The following CDH13 variants were observed in gnomAD, a reference collection of about 807,000 sequenced individuals.
CDH13 encodes the protein cadherin 13.
CDH13 carries 24 observed loss-of-function variants against 63.8 expected under a neutral mutation model. The ratio of observed to expected loss-of-function variants is 0.38; its 90% CI spans 0.27 to 0.53. The LOEUF (loss-of-function observed/expected upper bound fraction) is 0.53, where lower values mean the gene tolerates loss of function less well. CDH13 is among the 20% of genes least tolerant of loss of function. The pLI is 0.85. For missense variants in CDH13, 1,049 were observed against 903.1 expected (o/e 1.16, Z -2.07); for synonymous variants, 503 against 355.3 (o/e 1.42, Z -4.67).
chr16:83,730,166 T>C (rs12596745), intron 10 of CDH13, among the ~76,000 whole-genome samples: 29,895 of 152,190 alleles, frequency 0.2, 2,996 homozygotes, highest in Middle Eastern at 0.22. Context: ...TATTTTTCTA[T>C]AGTAAACATT....
intron 1 of CDH13, among the ~76,000 whole-genome samples, chr16:82,676,822 A>T (rs1161512642): frequency 6.6e-6 from 1 of 152,040 alleles, no homozygotes; most frequent in East Asian, 1.9e-4. Context: ...AGTTGCTGAG[A>T]CTATCATGCA....
At chr16:83,407,799 A>T (rs1352925101) in intron 6 of CDH13, among the ~76,000 whole-genome samples, 2 of 152,206 alleles carry the variant, frequency 1.3e-5, no homozygotes, top group African/African-American at 4.8e-5. Context: ...AGCATTGCGC[A>T]TTAGAAGTCT....
At chr16:83,184,089 A>AACACACACACAC (rs10656475) in intron 4 of CDH13, among the ~76,000 whole-genome samples, 23 of 131,616 alleles carry the variant, frequency 1.7e-4, no homozygotes, top group South Asian at 5.5e-4. Context: ...CTAGAGGTTA[A>AACACACACACAC]ACACACACAC....
intron 2 of CDH13, among the ~76,000 whole-genome samples, chr16:82,943,336 G>A (rs1200539493): frequency 6.6e-6 from 1 of 152,100 alleles, no homozygotes; most frequent in East Asian, 1.9e-4. Flanking sequence ...TTCTCATAAT[G>A]TACCCTTTGC....
At chr16:82,903,906 C>G (rs902131565) in intron 2 of CDH13, among the ~76,000 whole-genome samples, 2 of 152,134 alleles carry the variant, frequency 1.3e-5, no homozygotes, top group African/African-American at 2.4e-5. Flanking sequence ...AATGGGGCCC[C>G]AGTTCTGTCT....
At chr16:83,351,179 T>G (rs967881883) in intron 6 of CDH13, among the ~76,000 whole-genome samples, 1 of 152,150 alleles carries the variant, frequency 6.6e-6, no homozygotes. Context: ...TGTTAATTTT[T>G]TTTTGCTGAT....
At chr16:83,459,065 C>G (rs1445011914) in intron 6 of CDH13, among the ~76,000 whole-genome samples, 2 of 152,208 alleles carry the variant, frequency 1.3e-5, no homozygotes, top group Non-Finnish European at 2.9e-5. Flanking sequence ...AATCTAAGAA[C>G]CAAGATGGCC....
intron 4 of CDH13, among the ~76,000 whole-genome samples, chr16:83,187,831 A>T (rs906726799): frequency 6.6e-6 from 1 of 152,240 alleles, no homozygotes; most frequent in East Asian, 1.9e-4. Context: ...GATAGGGGCT[A>T]TGGAGGTCAA....
At chr16:83,388,344 T>C (rs2091719104) in intron 6 of CDH13, among the ~76,000 whole-genome samples, 1 of 151,732 alleles carries the variant, frequency 6.6e-6, no homozygotes, top group Non-Finnish European at 1.5e-5. Context: ...TCCCAACTAC[T>C]TGGGAGGCTG....
chr16:83,662,317 G>C (rs1433777801), intron 8 of CDH13, among the ~76,000 whole-genome samples: 1 of 152,166 alleles, frequency 6.6e-6, no homozygotes, highest in Non-Finnish European at 1.5e-5. Flanking sequence ...ATAGCTAGTA[G>C]GTACTCTCTC....
In CDH13 at chr16:83,419,755, A is replaced by C. The variant is rs117343843; in HGVS notation, c.782-66722A>C. Among the ~76,000 whole-genome samples, 12 of 152,338 alleles carry C rather than the reference A, an allele frequency of 7.9e-5. No homozygotes were observed. In the East Asian group the frequency reaches 2.3e-3, roughly 29 times the overall value. On this transcript the variant is annotated intron_variant, in intron 6 of 13. Transcript: ENST00000567109. Reference sequence around the variant, plus strand: ...ACTGGCATTGTGGTTATATACTATGAAATATATATTATAAAATGCATTTTT... The same window carrying C: ...ACTGGCATTGTGGTTATATACTATGCAATATATATTATAAAATGCATTTTT...
chr16:83,786,994 G>C (rs1278963707), intron 13 of CDH13, among the ~76,000 whole-genome samples: 1 of 152,146 alleles, frequency 6.6e-6, no homozygotes, highest in Non-Finnish European at 1.5e-5. Context: ...AGAAACAATA[G>C]CTACCATGAA....
chr16:83,280,083 G>A lies in CDH13; in HGVS notation c.636+62586G>A, dbSNP rs192606177. ...GAAGGATAGTATGCAGGGTACTGCA[G>A]CAGTTTTTTAAAATAAGACAACAAT... On this transcript the variant is annotated intron_variant, in intron 5 of 13. Transcript: ENST00000567109. 2.4e-3 allele frequency among the ~76,000 whole-genome samples: 360 copies of A among 152,280 alleles called. 1 individual carries two copies. The highest frequency in any genetic ancestry group is 8.4e-3 in the African/African-American group (348 of 41,550).
chr16:83,790,423 A>T (rs1033875286), intron 13 of CDH13, among the ~76,000 whole-genome samples: 11 of 152,016 alleles, frequency 7.2e-5, no homozygotes, highest in Non-Finnish European at 1.6e-4. Context: ...GTTTTTTCAC[A>T]GAGTCTTGCT....
intron 7 of CDH13, among the ~76,000 whole-genome samples, chr16:83,596,864 CA>C (rs1386249689): frequency 1.3e-5 from 2 of 152,084 alleles, no homozygotes; most frequent in Non-Finnish European, 2.9e-5. Context: ...CAATAATGTT[CA>C]TTACAGAAAA....
chr16:83,161,838 G>A (rs948587650), intron 4 of CDH13, among the ~76,000 whole-genome samples: 1 of 152,074 alleles, frequency 6.6e-6, no homozygotes, highest in Non-Finnish European at 1.5e-5. Context: ...AGAAGCCTGA[G>A]ACGCTATGTC....
intron 2 of CDH13, among the ~76,000 whole-genome samples, chr16:82,871,533 T>C (rs774105656): frequency 3.2e-4 from 49 of 152,322 alleles, no homozygotes; most frequent in Non-Finnish European, 5.7e-4. Flanking sequence ...GCAGAATCAC[T>C]GGAGTCTAAT....
chr16:83,781,446 C>T (rs924026175), intron 12 of CDH13, among the ~76,000 whole-genome samples: 11 of 152,196 alleles, frequency 7.2e-5, no homozygotes, highest in African/African-American at 1.2e-4. Flanking sequence ...CAGAGAATTA[C>T]GCATTTCATT....
At chr16:83,054,000 G>A (rs2030662378) in intron 3 of CDH13, among the ~76,000 whole-genome samples, 1 of 152,136 alleles carries the variant, frequency 6.6e-6, no homozygotes, top group Admixed American at 6.6e-5. Context: ...TACTTTTTGT[G>A]TTTAGATATG....
Sources: allele counts gnomAD v4.1 joint callset (sites outside exome capture counted in the v4.1 genomes callset), GRCh38; gene constraint gnomAD v4.1.1; transcripts MANE v1.5; gene names NCBI Gene and HGNC (gene_info 2026-07-23, HGNC 2026-07-21).